The following TRANK1 variants were observed in gnomAD, a reference collection of about 807,000 sequenced individuals.
TRANK1 encodes tetratricopeptide repeat and ankyrin repeat containing 1.
In TRANK1, 198 loss-of-function variants were observed where a neutral mutation model predicts 266.0. The ratio of observed to expected loss-of-function variants is 0.74; its 90% CI spans 0.66 to 0.84. The LOEUF is 0.84. Ranked by LOEUF, TRANK1 falls within the 40% of genes least tolerant of loss-of-function variation. The pLI, the probability that TRANK1 is intolerant of heterozygous loss-of-function variation, is 0.00. For synonymous variants in TRANK1, 1,396 were observed against 1,384.1 expected (o/e 1.01, Z -0.19); for missense variants, 3,326 against 3,634.6 (o/e 0.92, Z 2.18).
chr3:36,871,816 G>T (rs2079314183), intron 9 of TRANK1, among the ~76,000 whole-genome samples: 1 of 152,120 alleles, frequency 6.6e-6, no homozygotes, highest in African/African-American at 2.4e-5. Flanking sequence ...TTAAAAAGCA[G>T]CTTCAATCTC....
intron 1 of TRANK1, among the ~76,000 whole-genome samples, chr3:36,916,402 A>G (rs1013907964): frequency 1.3e-5 from 2 of 152,154 alleles, no homozygotes; most frequent in Non-Finnish European, 2.9e-5. Context: ...CGTCTCTCCT[A>G]AAAAATACAA....
At chr3:36,837,018 C>A (rs2078779476) in intron 20 of TRANK1, among the ~76,000 whole-genome samples, 2 of 152,196 alleles carry the variant, frequency 1.3e-5, no homozygotes, top group South Asian at 4.1e-4. Context: ...TCTGGCCCTG[C>A]CACTTTCTCT....
Position 36,833,018 on chromosome 3 carries a change from G to C in TRANK1, c.6565C>G (p.Arg2189Gly). The C allele has an allele frequency of 6.2e-7, 1 of 1,612,166 alleles. No homozygotes were observed. The highest frequency in any genetic ancestry group is 8.5e-7 in the Non-Finnish European group (1 of 1,179,084). The part of the protein sequence containing the change: ...ITRSLLGKTY[R>G]GVCMRFIVGL... ...ACAATAAACCTCATGCAGACTCCTC[G>C]GTAGGTCTTCCCAAGCAGGCTCCGT... Residue 2189 changes from arginine to glycine, a missense_variant, in exon 22 of 24, where the codon CGA (arginine) becomes GGA (glycine). Arg to Gly is a moderately radical substitution (Grantham distance 125). Transcript: ENST00000645898.
At chr3:36,888,822 C>A (rs982227099) in intron 8 of TRANK1, among the ~76,000 whole-genome samples, 1 of 152,056 alleles carries the variant, frequency 6.6e-6, no homozygotes, top group East Asian at 1.9e-4. Context: ...TTTGGGAGGC[C>A]GAGGCAGGTG....
intron 1 of TRANK1, among the ~76,000 whole-genome samples, chr3:36,909,171 C>T (rs1212053824): frequency 1.3e-5 from 2 of 152,162 alleles, no homozygotes; most frequent in African/African-American, 4.8e-5. Flanking sequence ...GTCTGTGTCC[C>T]CCAAGGGTAT....
chr3:36,945,470 T>G (rs1210733009), upstream of TRANK1, among the ~76,000 whole-genome samples: 1 of 152,152 alleles, frequency 6.6e-6, no homozygotes, highest in Non-Finnish European at 1.5e-5. Flanking sequence ...TACTGTGTGC[T>G]TGCCCCTCCA....
intron 8 of TRANK1, among the ~76,000 whole-genome samples, chr3:36,888,787 G>GTA (rs2079643982): frequency 6.6e-6 from 1 of 152,186 alleles, no homozygotes; most frequent in Admixed American, 6.5e-5. Context: ...GCCAGGCATG[G>GTA]TAGCTCATGC....
rs576110310 is a variant in TRANK1 at position 36,831,042 on chromosome 3, C to T, written c.8541G>A (p.Pro2847=). The T allele has an allele frequency of 1.2e-5, 19 of 1,613,992 alleles. No homozygotes were observed. Among genetic ancestry groups the T allele is most frequent in the Admixed American group, 5.0e-5 (3 of 60,024 alleles). The stretch of plus-strand genomic sequence containing the variant: ...CCACCAGCTTGCCTTCATCAATGGC[C>T]GGGTCCACCTTCTCGTGGAAAAATT... ...YSEFFHEKVD[P]AIDEGKLVVQ... Residue 2847 remains proline (P), a synonymous_variant, in exon 22 of 24, where the codon CCG becomes CCA. Coordinates refer to ENST00000645898, the MANE Select transcript of TRANK1 (RefSeq NM_001329998.2). The surrounding 1 kb of genome is among the most constrained non-coding windows in gnomAD (Gnocchi z 5.0).
intron 1 of TRANK1, among the ~76,000 whole-genome samples, chr3:36,917,353 G>T (rs890987044): frequency 6.6e-6 from 1 of 151,926 alleles, no homozygotes; most frequent in African/African-American, 2.4e-5. Flanking sequence ...CATGAAATGG[G>T]AAAAAAGAAA....
chr3:36,861,970 G>C (rs2079149243), intron 10 of TRANK1, among the ~76,000 whole-genome samples: 1 of 152,086 alleles, frequency 6.6e-6, no homozygotes, highest in South Asian at 2.1e-4. Flanking sequence ...CTCCCAAAGT[G>C]CTGAGATTAC....
rs375887057 is a variant in TRANK1, at chr3:36,831,814, C to T, written c.7769G>A (p.Arg2590Gln). The T allele has an allele frequency of 3.7e-5, 60 of 1,613,950 alleles. No individual in the cohort carries two copies. In the African/African-American group the frequency reaches 4.9e-4, roughly 13 times the overall value. Residue 2590 changes from arginine to glutamine, a missense_variant, in exon 22 of 24, where the codon CGG becomes CAG. Arg to Gln is a conservative substitution (Grantham distance 43). Coordinates refer to ENST00000645898, the MANE Select transcript of TRANK1 (RefSeq NM_001329998.2). The surrounding 1 kb of genome is among the most constrained non-coding windows in gnomAD (Gnocchi z 5.0). ...YCKPLLYRHF[R>Q]EIESRLQLMS... is the part of the protein sequence containing the mutation. ...GAGCTGCAGCCTTGACTCAATCTCC[C>T]GGAAGTGGCGATACAGGAGAGGCTT... is the stretch of plus-strand genomic sequence containing the variant.
chr3:36,839,616 T>C (rs1239517831), intron 18 of TRANK1, among the ~76,000 whole-genome samples: 1 of 152,208 alleles, frequency 6.6e-6, no homozygotes, highest in Non-Finnish European at 1.5e-5. Context: ...GTTAACTTCA[T>C]TCATTCTACA....
At chr3:36,841,206 G>T (rs943164684) in intron 18 of TRANK1, among the ~76,000 whole-genome samples, 5 of 152,206 alleles carry the variant, frequency 3.3e-5, no homozygotes, top group African/African-American at 1.2e-4. Context: ...AGCAGGACAA[G>T]CCCTCCATAG....
chr3:36,918,588 AAGGAAGGAAGGAAGGAAG>A (rs2080167607), intron 1 of TRANK1, among the ~76,000 whole-genome samples: 1 of 117,572 alleles, frequency 8.5e-6, no homozygotes, highest in Non-Finnish European at 1.8e-5. Flanking sequence ...GGAAGGAAGG[AAGGAAGGAAGGAAGGAAG>A]GAAAGAAAGA....
At chr3:36,915,298 T>A (rs956432509) in intron 1 of TRANK1, among the ~76,000 whole-genome samples, 2 of 152,232 alleles carry the variant, frequency 1.3e-5, no homozygotes, top group Non-Finnish European at 2.9e-5. Flanking sequence ...TACATATTCA[T>A]AGTGATGTTT....
rs373734537 is a variant in TRANK1, at chr3:36,856,436, C to T, written c.3286G>A (p.Val1096Ile). 7.4e-5 allele frequency: 119 copies of T among 1,613,892 alleles called. No individual in the cohort carries two copies. In the African/African-American group the frequency reaches 1.2e-3, roughly 16 times the overall value. ...CLYRLWKKFHVYWEKAEQAGS... is the reference protein window; with the variant it reads ...CLYRLWKKFHIYWEKAEQAGS... ...GCCTGCTCAGCTTTTTCCCAGTAAA[C>T]GTGGAATTTCTTCCACAATCTGTAC... The change falls in exon 13 of 24, where the codon GTT becomes ATT. Residue 1096 changes from valine to isoleucine, a missense_variant. Physicochemically the swap from Val to Ile is conservative, Grantham distance 29 (BLOSUM62 3). Coordinates refer to ENST00000645898, the MANE Select transcript of TRANK1 (RefSeq NM_001329998.2).
In TRANK1 at chr3:36,858,767, T is replaced by C; in HGVS notation, c.1623A>G (p.Glu541=). ...GADPRAISLT[E]GDTPLHAALH... is the part of the protein sequence containing the mutation. ...GTGCTGCATGCAAAGGAGTATCACC[T>C]TCCGTGAGAGAAATAGCACGGGGGT... The change falls in exon 12 of 24, where the codon GAA becomes GAG. Residue 541 remains glutamate, a synonymous_variant. Transcript: ENST00000645898. 6.5e-7 allele frequency: 1 copy of C among 1,537,108 alleles called. No individual in the cohort carries two copies. The highest frequency in any genetic ancestry group is 8.7e-7 in the Non-Finnish European group (1 of 1,146,810).
rs762153320 is a variant in TRANK1 at position 36,842,670 on chromosome 3, C to T, written c.5232G>A (p.Ala1744=). Residue 1744 remains alanine, a synonymous_variant, in exon 18 of 24, where the codon GCG becomes GCA. Transcript: ENST00000645898. The stretch of plus-strand genomic sequence containing the variant: ...AGTAATCTCCCTGTGCAATCCACTC[C>T]GCAGGAGTTGAGGTCTTAACGAACA... ...DSMFVKTSTP[A]EWIAQGDYYA... 3.9e-5 allele frequency: 63 copies of T among 1,613,948 alleles called. No individual in the cohort carries two copies. The highest frequency in any genetic ancestry group is 6.7e-5 in the African/African-American group (5 of 75,032).
rs1317204634 is a variant in TRANK1, at chr3:36,852,330, G to A, written c.4565C>T (p.Ala1522Val). The change falls in exon 14 of 24, where the codon GCA (alanine) becomes GTA (valine). Residue 1522 changes from alanine to valine, a missense_variant. Transcript: ENST00000645898. ...YRSHSGILNL[A>V]SGVVDLLQFY... is the part of the protein sequence containing the mutation. ...CTGAAGTAAATCCACCACTCCAGAT[G>A]CCAGATTGAGGATTCCTGGAATGAA... 1 of 1,581,120 alleles carries A rather than the reference G, an allele frequency of 6.3e-7. No individual in the cohort carries two copies.
Sources: gnomAD v4.1 joint callset for allele counts (sites outside exome capture counted in the v4.1 genomes callset) on GRCh38, gnomAD v4.1.1 for gene constraint, Gnocchi (gnomAD v3.1) non-coding constraint, MANE v1.5 for transcripts, NCBI Gene and HGNC (gene_info 2026-07-23, HGNC 2026-07-21) for gene names.